The following FHIP1A variants were observed in gnomAD, a reference collection of about 807,000 sequenced individuals.
The protein encoded by FHIP1A is FHF complex subunit HOOK-interacting protein 1A.
A neutral mutation model predicts 88.6 loss-of-function variants in FHIP1A; 61 were observed. That is an observed-to-expected ratio of 0.69 (90% CI 0.56 to 0.85). FHIP1A has a LOEUF of 0.85. Ranked by LOEUF, FHIP1A falls within the 40% of genes least tolerant of loss-of-function variation. The pLI, the probability that FHIP1A is intolerant of heterozygous loss-of-function variation, is 0.00. For missense variants in FHIP1A, 1,154 were observed against 1,273.5 expected (o/e 0.91, Z 1.43); for synonymous variants, 478 against 496.0 (o/e 0.96, Z 0.48).
intron 6 of FHIP1A, among the ~76,000 whole-genome samples, chr4:151,587,028 AAATT>A (rs1734243678): frequency 6.6e-6 from 1 of 152,204 alleles, no homozygotes; most frequent in South Asian, 2.1e-4. Context: ...TCTTCTTTAT[AAATT>A]AATTCTGTTT....
chr4:151,599,159 A>G (rs979043047), intron 7 of FHIP1A, among the ~76,000 whole-genome samples: 1 of 152,362 alleles, frequency 6.6e-6, no homozygotes, highest in Non-Finnish European at 1.5e-5. Context: ...AGTCATATTA[A>G]ATAAAATGAT....
chr4:151,601,738 C>T (rs1734875554), intron 7 of FHIP1A, among the ~76,000 whole-genome samples: 1 of 151,470 alleles, frequency 6.6e-6, no homozygotes, highest in Non-Finnish European at 1.5e-5. Flanking sequence ...GGGTTCTAGT[C>T]CTGGCTCTTT....
intron 5 of FHIP1A, among the ~76,000 whole-genome samples, chr4:151,582,454 T>G (rs1054108785): frequency 6.6e-6 from 1 of 152,180 alleles, no homozygotes; most frequent in African/African-American, 2.4e-5. Flanking sequence ...TCTTTAATCC[T>G]GGCAACAACT....
intron 7 of FHIP1A, among the ~76,000 whole-genome samples, chr4:151,617,063 C>G (rs1735567826): frequency 6.6e-6 from 1 of 152,026 alleles, no homozygotes; most frequent in African/African-American, 2.4e-5. Flanking sequence ...TATGTACTTT[C>G]TGCTAGAAGC....
At chr4:151,423,539 A>G (rs1262571226) in intron 1 of FHIP1A, among the ~76,000 whole-genome samples, 1 of 152,212 alleles carries the variant, frequency 6.6e-6, no homozygotes, top group Non-Finnish European at 1.5e-5. Context: ...GACCTTGCAC[A>G]AGTTACTTTT....
intron 3 of FHIP1A, among the ~76,000 whole-genome samples, chr4:151,554,306 T>C (rs1206271804): frequency 2.6e-5 from 4 of 152,218 alleles, no homozygotes; most frequent in African/African-American, 9.6e-5. Flanking sequence ...GTAAGCTGCT[T>C]ATTCCCTGAT....
At chr4:151,516,467 C>CA (rs1293835888) in intron 3 of FHIP1A, among the ~76,000 whole-genome samples, 1 of 151,802 alleles carries the variant, frequency 6.6e-6, no homozygotes, top group East Asian at 1.9e-4. Flanking sequence ...TAATTAAACT[C>CA]AAGAGCTTCT....
intron 1 of FHIP1A, among the ~76,000 whole-genome samples, chr4:151,414,638 C>T (rs1340472983): frequency 5.3e-5 from 8 of 152,092 alleles, no homozygotes; most frequent in Admixed American, 1.3e-4. Context: ...AGGGGAGATG[C>T]TAAGGGGACT....
At chr4:151,654,412 G>A (rs1256548226) in intron 11 of FHIP1A, among the ~76,000 whole-genome samples, 1 of 149,464 alleles carries the variant, frequency 6.7e-6, no homozygotes, top group Non-Finnish European at 1.5e-5. Context: ...TGTAGGCCAA[G>A]CACAGTCTGG....
intron 7 of FHIP1A, among the ~76,000 whole-genome samples, chr4:151,623,525 T>G (rs370321670): frequency 6.3e-5 from 9 of 143,648 alleles, no homozygotes; most frequent in African/African-American, 2.3e-4. Flanking sequence ...CTGGTCCTTT[T>G]TTTTTTTTTT....
chr4:151,497,714 C>T (rs140064749), intron 3 of FHIP1A, among the ~76,000 whole-genome samples: 3 of 152,312 alleles, frequency 2.0e-5, no homozygotes, highest in East Asian at 1.9e-4. Context: ...GAAAGGCCCC[C>T]AGCAACAAAG....
intron 3 of FHIP1A, among the ~76,000 whole-genome samples, chr4:151,504,273 C>T (rs1730748460): frequency 6.6e-6 from 1 of 152,222 alleles, no homozygotes; most frequent in South Asian, 2.1e-4. Context: ...CTGATCATTT[C>T]CACACTGAGA....
At chr4:151,580,799 G>C (rs4696099) in intron 5 of FHIP1A, among the ~76,000 whole-genome samples, 43,362 of 151,876 alleles carry the variant, frequency 0.29, 6,416 homozygotes, top group Non-Finnish European at 0.33. Context: ...GTATTATCAT[G>C]TAACTATATG....
chr4:151,509,759 TTGTG>T (rs113966280), intron 3 of FHIP1A, among the ~76,000 whole-genome samples: 30 of 147,124 alleles, frequency 2.0e-4, no homozygotes, highest in South Asian at 2.0e-3. Flanking sequence ...GTCTCTATGT[TTGTG>T]TGTGTGTGTG....
rs999405463 is a variant in FHIP1A at position 151,666,603 on chromosome 4, G to A, written c.*3849G>A. Among the ~76,000 whole-genome samples, 3 of 152,148 alleles carry A rather than the reference G, an allele frequency of 2.0e-5. No individual in the cohort carries two copies. The highest frequency in any genetic ancestry group is 4.4e-5 in the Non-Finnish European group (3 of 68,030). Reference sequence around the variant, plus strand: ...AATATTGGGGTTGCCTGTTTAATTTGGGCAGCCAGTGGGTACTCAGGGTCG... The same window carrying A: ...AATATTGGGGTTGCCTGTTTAATTTAGGCAGCCAGTGGGTACTCAGGGTCG... On this transcript the variant is annotated 3_prime_UTR_variant, in exon 14 of 14. Transcript: ENST00000435205.
intron 3 of FHIP1A, among the ~76,000 whole-genome samples, chr4:151,524,869 A>T (rs1731575009): frequency 6.6e-6 from 1 of 152,232 alleles, no homozygotes; most frequent in Non-Finnish European, 1.5e-5. Flanking sequence ...CCTGTTCGAC[A>T]TGTAGAAACT....
intron 2 of FHIP1A, among the ~76,000 whole-genome samples, chr4:151,475,418 A>G (rs1192293810): frequency 1.3e-5 from 2 of 152,174 alleles, no homozygotes; most frequent in Non-Finnish European, 2.9e-5. Flanking sequence ...TGCGATTTCT[A>G]TTTCATGGGG....
intron 2 of FHIP1A, among the ~76,000 whole-genome samples, chr4:151,467,339 G>A (rs1729354007): frequency 6.6e-6 from 1 of 152,318 alleles, no homozygotes; most frequent in South Asian, 2.1e-4. Context: ...TGCTGGTGAG[G>A]CTGTGGAGAA....
chr4:151,458,465 G>A (rs1390397140), intron 2 of FHIP1A, among the ~76,000 whole-genome samples: 12 of 152,118 alleles, frequency 7.9e-5, no homozygotes. Context: ...TTGGTAGAGG[G>A]TAAAGAAAGT....
Sources: allele counts gnomAD v4.1 joint callset (sites outside exome capture counted in the v4.1 genomes callset), GRCh38; gene constraint gnomAD v4.1.1; transcripts MANE v1.5; gene names NCBI Gene and HGNC (gene_info 2026-07-23, HGNC 2026-07-21).